The following GPM6A variants were observed in gnomAD, a reference collection of about 807,000 sequenced individuals.
GPM6A encodes the protein neuronal membrane glycoprotein M6-a.
Under a neutral mutation model 32.1 loss-of-function variants are expected in GPM6A, and 7 were observed. That is an observed-to-expected ratio of 0.22 (90% CI 0.12 to 0.41). The LOEUF is 0.41. Ranked by LOEUF, GPM6A falls within the 10% of genes least tolerant of loss-of-function variation. GPM6A has a pLI of 1.00. For synonymous variants in GPM6A, 130 were observed against 123.4 expected (o/e 1.05, Z -0.35); for missense variants, 235 against 347.2 (o/e 0.68, Z 2.57).
chr4:175,700,154 C>T (rs1243245847), intron 2 of GPM6A, among the ~76,000 whole-genome samples: 1 of 152,074 alleles, frequency 6.6e-6, no homozygotes, highest in East Asian at 1.9e-4. Flanking sequence ...TGAGCCACCA[C>T]ACCCGGCCCA....
intron 1 of GPM6A, among the ~76,000 whole-genome samples, chr4:175,900,367 A>G (rs62334787): frequency 2.8e-4 from 32 of 115,488 alleles, no homozygotes; most frequent in East Asian, 4.8e-4. Context: ...GGAAAGGAAA[A>G]GAAAGGAAAG....
At chr4:175,946,605 C>T (rs1378255900) in intron 1 of GPM6A, among the ~76,000 whole-genome samples, 1 of 152,024 alleles carries the variant, frequency 6.6e-6, no homozygotes, top group Admixed American at 6.6e-5. Context: ...TCCATAGAAG[C>T]CAGCGATGTG....
At chr4:175,907,072 T>A (rs1738155023) in intron 1 of GPM6A, 1 of 152,204 alleles carries the variant, frequency 6.6e-6, no homozygotes, top group Non-Finnish European at 1.5e-5. Flanking sequence ...ACAAGCTCAG[T>A]GGGTACCTCA....
chr4:175,747,908 C>T (rs1453825551), intron 1 of GPM6A, among the ~76,000 whole-genome samples: 8 of 143,434 alleles, frequency 5.6e-5, no homozygotes, highest in African/African-American at 1.7e-4. Context: ...TCCTCTCAAA[C>T]CCTGCTGCTA....
At chr4:175,793,103 T>C (rs1734075430) in intron 1 of GPM6A, among the ~76,000 whole-genome samples, 1 of 152,186 alleles carries the variant, frequency 6.6e-6, no homozygotes, top group South Asian at 2.1e-4. Flanking sequence ...AAGTTATCCA[T>C]GCTAATACAT....
intron 1 of GPM6A, among the ~76,000 whole-genome samples, chr4:175,892,383 T>C (rs1315519757): frequency 6.6e-6 from 1 of 152,184 alleles, no homozygotes; most frequent in Non-Finnish European, 1.5e-5. Context: ...CTTTCTTCTC[T>C]CTCAAATGTC....
intron 1 of GPM6A, among the ~76,000 whole-genome samples, chr4:175,797,344 G>C (rs1425295925): frequency 6.6e-6 from 1 of 151,996 alleles, no homozygotes; most frequent in East Asian, 1.9e-4. Context: ...TCATAATCTT[G>C]TTCATAAAAT....
chr4:175,712,317 C>T (rs779032098), intron 1 of GPM6A, among the ~76,000 whole-genome samples: 25 of 152,336 alleles, frequency 1.6e-4, no homozygotes, highest in Middle Eastern at 3.4e-3. Context: ...CTACCTCCTG[C>T]TGCCCTGCGG....
chr4:175,890,986 T>C (rs1231115355), intron 1 of GPM6A, among the ~76,000 whole-genome samples: 1 of 152,188 alleles, frequency 6.6e-6, no homozygotes, highest in African/African-American at 2.4e-5. Context: ...GATGTAGATA[T>C]ATAAATATAT....
chr4:175,904,210 C>T (rs1449115474), intron 1 of GPM6A, among the ~76,000 whole-genome samples: 1 of 151,964 alleles, frequency 6.6e-6, no homozygotes, highest in African/African-American at 2.4e-5. Context: ...CTATTTACAA[C>T]CCATATTTAT....
chr4:175,967,546 C>T (rs1365385419), intron 1 of GPM6A, among the ~76,000 whole-genome samples: 1 of 152,078 alleles, frequency 6.6e-6, no homozygotes, highest in Admixed American at 6.5e-5. Flanking sequence ...CAACAAATTA[C>T]TAAATTAATA....
intron 6 of GPM6A, 74 bp downstream of exon 6, chr4:175,640,055 A>G (rs1336350975): frequency 8.8e-7 from 1 of 1,134,380 alleles, no homozygotes; most frequent in Non-Finnish European, 1.3e-6. Flanking sequence ...CTTTAGAGAT[A>G]GTTTATCATC....
rs1455542592 is a variant in GPM6A at position 175,634,193 on chromosome 4, T to A, written c.*712A>T. On this transcript the variant is annotated 3_prime_UTR_variant, in exon 7 of 7. Coordinates refer to ENST00000393658, the MANE Select transcript of GPM6A (RefSeq NM_201591.3). ...TCTTAAAAAGGCAACTAGCCATGCA[T>A]TAGCATTACTGTTTCTACATGCTCA... The A allele has an allele frequency of 3.3e-5, 5 of 152,566 alleles. No individual in the cohort carries two copies. The Admixed American group carries it at 3.3e-4, about 10-fold the overall frequency. 9.5% of individuals were successfully genotyped at this position (152,566 alleles called of 1,614,324 possible). A position where few individuals can be genotyped will look rare whatever the true frequency, so the allele number is the denominator to read the frequency against.
intron 1 of GPM6A, among the ~76,000 whole-genome samples, chr4:175,776,810 G>A (rs1733415087): frequency 6.6e-6 from 1 of 152,110 alleles, no homozygotes; most frequent in Non-Finnish European, 1.5e-5. Flanking sequence ...TATAAAATAA[G>A]TGGAGTTCCT....
intron 1 of GPM6A, among the ~76,000 whole-genome samples, chr4:175,776,801 A>G (rs906952392): frequency 3.3e-5 from 5 of 152,192 alleles, no homozygotes; most frequent in African/African-American, 1.2e-4. Flanking sequence ...GAAGAGGTAT[A>G]TAAAATAAGT....
At position 175,798,867 on chromosome 4, in the gene GPM6A, G is replaced by C. The variant is rs144969857; in HGVS notation, c.37+13324C>G. ...CTTCAGGAAAGCAATTTTACCAAGG[G>C]AAATGTAAAATGCATTTTTTATATT... On this transcript the variant is annotated intron_variant, in intron 1 of 6. Transcript: ENST00000393658. Among the ~76,000 whole-genome samples the C allele has an allele frequency of 1.9e-3, 289 of 152,188 alleles. 1 individual carries two copies. The highest frequency in any genetic ancestry group is 6.5e-3 in the African/African-American group (271 of 41,534).
intron 1 of GPM6A, among the ~76,000 whole-genome samples, chr4:175,844,018 C>T (rs1465630973): frequency 1.3e-5 from 2 of 152,126 alleles, no homozygotes; most frequent in Non-Finnish European, 2.9e-5. Flanking sequence ...TCCTTAGCTA[C>T]AATTAGCAGC....
In GPM6A at chr4:175,671,996, AAG is replaced by A. The variant is rs1743104824; in HGVS notation, c.387+1682_387+1683del. 6.0e-5 allele frequency among the ~76,000 whole-genome samples: 9 copies of A among 150,444 alleles called. No homozygotes were observed. In the South Asian group the frequency reaches 1.0e-3, roughly 17 times the overall value. ...TGTTACCATTATAGAAAAAAAAAAA[AAG>A]AAAGAAAGAAAACGTGGCTCATGTT... On this transcript the variant is annotated intron_variant, in intron 3 of 6. Coordinates refer to ENST00000393658, the MANE Select transcript of GPM6A (RefSeq NM_201591.3).
chr4:175,720,041 T>A (rs1327169531), intron 1 of GPM6A, among the ~76,000 whole-genome samples: 1 of 152,226 alleles, frequency 6.6e-6, no homozygotes, highest in Non-Finnish European at 1.5e-5. Context: ...AAAATACGGA[T>A]GCACTGTTTT....
Sources: allele counts gnomAD v4.1 joint callset (sites outside exome capture counted in the v4.1 genomes callset), GRCh38; gene constraint gnomAD v4.1.1; transcripts MANE v1.5; gene names NCBI Gene and HGNC (gene_info 2026-07-23, HGNC 2026-07-21).